NSDHL: variants seen among roughly 807,000 people sequenced by gnomAD.
NSDHL encodes the protein NAD(P) dependent 3-beta-hydroxysteroid dehydrogenase NSDHL, also known as sterol-4-alpha-carboxylate 3-dehydrogenase, decarboxylating.
NSDHL carries 1 observed loss-of-function variant against 23.0 expected under a neutral mutation model. The ratio of observed to expected loss-of-function variants is 0.04; its 90% CI spans 0.02 to 0.21. NSDHL has a LOEUF of 0.21. NSDHL is among the 10% of genes least tolerant of loss of function. The pLI is 1.00. For synonymous variants in NSDHL, 128 were observed against 121.1 expected, an observed-to-expected ratio of 1.06 and a Z score of -0.37; for missense variants, 237 against 300.9, an observed-to-expected ratio of 0.79 and a Z score of 1.57.
intron 3 of NSDHL, 28 bp downstream of exon 3, chrX:152,850,451 T>G: frequency 8.3e-7 from 1 of 1,200,927 alleles, no homozygotes; most frequent in Non-Finnish European, 1.1e-6. Context: ...CTTGCTGATT[T>G]CCCACGAGCC....
intron 1 of NSDHL, among the ~76,000 whole-genome samples, chrX:152,837,964 C>T (rs1210262867): frequency 8.9e-6 from 1 of 111,798 alleles, no homozygotes; most frequent in East Asian, 2.8e-4. Flanking sequence ...ATTATTGCCT[C>T]AATTTCAGAG....
chrX:152,850,395 T>G lies in NSDHL; in HGVS notation c.239T>G (p.Phe80Cys). The change falls in exon 3 of 8, where the codon TTC (phenylalanine) becomes TGC (cysteine). Residue 80 changes from phenylalanine (F) to cysteine (C), a missense_variant. By Grantham distance (205) the Phe-to-Cys change is radical. Transcript: ENST00000370274. Reference sequence around the variant, plus strand: ...GGGTTTGATAATCCCCAGGTGCGGTTCTTTCTGGGTGACCTCTGCAGCCGA... The same window carrying G: ...GGGTTTGATAATCCCCAGGTGCGGTGCTTTCTGGGTGACCTCTGCAGCCGA... ...QQGFDNPQVR[F>C]FLGDLCSRQD... is the part of the protein sequence containing the mutation. 8.3e-7 allele frequency: 1 copy of G among 1,211,083 alleles called. No homozygotes were observed. The highest frequency in any genetic ancestry group is 1.1e-6 in the Non-Finnish European group (1 of 894,722).
At position 152,867,541 on chromosome X, in the gene NSDHL, C is replaced by T. The variant is rs540923188; in HGVS notation, c.687-30C>T. ...GGCCTTCGTGCAGGGGCTCCCAGCA[C>T]GTATTCCATCATCCCTTGTGCACCT... On this transcript the variant is annotated intron_variant, in intron 6 of 7. Transcript: ENST00000370274. The T allele has an allele frequency of 2.6e-4, 278 of 1,055,536 alleles. No homozygotes were observed. The South Asian group carries it at 4.6e-3, about 17-fold the overall frequency. 87.0% of individuals were successfully genotyped at this position (1,055,536 alleles called of 1,213,427 possible). A position where few individuals can be genotyped will look rare whatever the true frequency, so the allele number is the denominator to read the frequency against.
chrX:152,865,259 G>T (rs1485980621), intron 5 of NSDHL, among the ~76,000 whole-genome samples: 1 of 111,905 alleles, frequency 8.9e-6, no homozygotes, highest in African/African-American at 3.3e-5. Flanking sequence ...CCCCCCAGCT[G>T]CTGGCCTGTT....
intron 5 of NSDHL, among the ~76,000 whole-genome samples, chrX:152,863,136 T>C (rs906082922): frequency 9.1e-6 from 1 of 109,347 alleles, no homozygotes; most frequent in South Asian, 4.0e-4. Context: ...CACTCCAGCC[T>C]GGGGGATAGA....
intron 3 of NSDHL, among the ~76,000 whole-genome samples, chrX:152,857,093 A>G (rs189813292): frequency 2.1e-4 from 24 of 112,302 alleles, no homozygotes; most frequent in Admixed American, 1.8e-3. Context: ...AATACTGAAA[A>G]TAACAATTGG....
chrX:152,862,763 G>C, intron 5 of NSDHL, 39 bp downstream of exon 5: 4 of 1,172,832 alleles, frequency 3.4e-6, no homozygotes, highest in Non-Finnish European at 4.6e-6. Flanking sequence ...CAGACTGAAG[G>C]GTTTAGAATC....
chrX:152,834,794 G>A (rs1933065885), intron 1 of NSDHL, among the ~76,000 whole-genome samples: 1 of 112,358 alleles, frequency 8.9e-6, no homozygotes, highest in Non-Finnish European at 1.9e-5. Context: ...GGATTCCAAA[G>A]AAAGTTCTAA....
intron 3 of NSDHL, among the ~76,000 whole-genome samples, chrX:152,855,362 A>G (rs1300089170): frequency 9.1e-6 from 1 of 109,929 alleles, no homozygotes; most frequent in Non-Finnish European, 1.9e-5. Context: ...CAGGAAGTCT[A>G]CTCTCAAGCC....
At chrX:152,863,953 C>T (rs1202892681) in intron 5 of NSDHL, among the ~76,000 whole-genome samples, 2 of 109,715 alleles carry the variant, frequency 1.8e-5, no homozygotes, top group Non-Finnish European at 3.8e-5. Context: ...ACTCTGTTGC[C>T]CAGGCTGGAG....
intron 3 of NSDHL, among the ~76,000 whole-genome samples, chrX:152,857,825 T>A (rs1933465904): frequency 8.9e-6 from 1 of 111,807 alleles, no homozygotes; most frequent in Non-Finnish European, 1.9e-5. Flanking sequence ...GGCAGCATGA[T>A]GTCTGCAACT....
At chrX:152,862,786 TTTATGAAC>T (rs1182461143) in intron 5 of NSDHL, 62 bp downstream of exon 5, 1 of 1,079,295 alleles carries the variant, frequency 9.3e-7, no homozygotes, top group African/African-American at 1.8e-5. Context: ...AAGAAAAATG[TTTATGAAC>T]TTATGAAGTT....
chrX:152,847,799 G>A (rs1188093668), intron 2 of NSDHL, among the ~76,000 whole-genome samples: 5 of 111,169 alleles, frequency 4.5e-5, no homozygotes, highest in African/African-American at 6.5e-5. Flanking sequence ...AAAACCCAGC[G>A]CCCTAGACTA....
chrX:152,843,628 G>A (rs1008950361), intron 1 of NSDHL, among the ~76,000 whole-genome samples: 7 of 111,604 alleles, frequency 6.3e-5, no homozygotes. Context: ...TTGGATTTAG[G>A]GCCTACCAGG....
At chrX:152,839,189 C>T (rs145264912) in intron 1 of NSDHL, among the ~76,000 whole-genome samples, 2,999 of 111,432 alleles carry the variant, frequency 0.027, 93 homozygotes, top group African/African-American at 0.093. Context: ...AGCCTATGTA[C>T]GTCACTGCAC....
intron 5 of NSDHL, 102 bp downstream of exon 5, chrX:152,862,826 C>T (rs1289155218): frequency 1.2e-6 from 1 of 822,714 alleles, no homozygotes; most frequent in East Asian, 3.2e-5. Flanking sequence ...GCCTACGTAC[C>T]TGATTTGAGA....
At chrX:152,864,397 C>T (rs908209780) in intron 5 of NSDHL, among the ~76,000 whole-genome samples, 1 of 112,255 alleles carries the variant, frequency 8.9e-6, no homozygotes. Flanking sequence ...AGCCTCCCTG[C>T]GCCTTGCAGG....
chrX:152,862,889 C>T (rs782070089), intron 5 of NSDHL, among the ~76,000 whole-genome samples, 165 bp downstream of exon 5: 40 of 111,940 alleles, frequency 3.6e-4, no homozygotes, highest in African/African-American at 1.2e-3. Flanking sequence ...AGGCCGGGCA[C>T]GGTGGCTCAC....
intron 3 of NSDHL, among the ~76,000 whole-genome samples, chrX:152,857,261 G>A (rs1160085704): frequency 2.7e-5 from 3 of 112,404 alleles, no homozygotes; most frequent in Non-Finnish European, 5.6e-5. Context: ...TTAATTGGTA[G>A]AATTAACATG....
Sources: gnomAD v4.1 joint callset for allele counts (sites outside exome capture counted in the v4.1 genomes callset) on GRCh38, gnomAD v4.1.1 for gene constraint, MANE v1.5 for transcripts, NCBI Gene and HGNC (gene_info 2026-07-23, HGNC 2026-07-21) for gene names.